Variants in FRAS1 observed in about 807,000 individuals in gnomAD.
FRAS1 encodes extracellular matrix organizing protein FRAS1.
In FRAS1, 290 loss-of-function variants were observed where a neutral mutation model predicts 435.2. That is an observed-to-expected ratio of 0.67 (90% CI 0.61 to 0.73). FRAS1 has a LOEUF of 0.73. Ranked by LOEUF, FRAS1 falls within the 30% of genes least tolerant of loss-of-function variation. The probability of loss-of-function intolerance (pLI) is 0.00; values close to 1 mark genes in which losing one functional copy is unlikely to be tolerated. For missense variants in FRAS1, 4,860 were observed against 5,001.5 expected (o/e 0.97, Z 0.85); for synonymous variants, 1,800 against 1,851.0 (o/e 0.97, Z 0.71).
intron 20 of FRAS1, among the ~76,000 whole-genome samples, chr4:78,357,221 C>T (rs1029243550): frequency 6.6e-6 from 1 of 152,124 alleles, no homozygotes; most frequent in African/African-American, 2.4e-5. Flanking sequence ...TAAGTTGGTA[C>T]CCCTGTTATG....
chr4:78,474,420 G>A (rs1719801583), intron 53 of FRAS1, among the ~76,000 whole-genome samples: 1 of 151,962 alleles, frequency 6.6e-6, no homozygotes, highest in African/African-American at 2.4e-5. Flanking sequence ...ATTGGAACTT[G>A]GGGGAAAAAA....
intron 2 of FRAS1, among the ~76,000 whole-genome samples, chr4:78,123,900 C>T (rs764872669): frequency 9.9e-5 from 15 of 152,162 alleles, no homozygotes; most frequent in African/African-American, 2.7e-4. Flanking sequence ...GTTTTTTAAA[C>T]ATACAATCAA....
intron 60 of FRAS1, 50 bp from the exon 61 acceptor site, chr4:78,499,671 C>A: frequency 2.6e-6 from 4 of 1,531,808 alleles, no homozygotes; most frequent in Non-Finnish European, 3.6e-6. Flanking sequence ...GAGTCTGAAT[C>A]CTTTGTGCTA....
rs376454076 is a variant in FRAS1, at chr4:78,277,090, C to T, written c.982-1565C>T. On this transcript the variant is annotated intron_variant, in intron 9 of 73. Transcript: ENST00000512123. The stretch of plus-strand genomic sequence containing the variant: ...TGCTGTGCTAGCAATGAGTGAGGCT[C>T]CGTGAGCATGGGACCCTCCGAGCCA... 1.9e-4 allele frequency among the ~76,000 whole-genome samples: 29 copies of T among 152,340 alleles called. No homozygotes were observed. In the East Asian group the frequency reaches 4.6e-3, roughly 24 times the overall value.
At chr4:78,330,945 C>T (rs1444452787) in intron 18 of FRAS1, among the ~76,000 whole-genome samples, 1 of 152,176 alleles carries the variant, frequency 6.6e-6, no homozygotes, top group Non-Finnish European at 1.5e-5. Flanking sequence ...CTAATAAAAA[C>T]TTGCTGGTTT....
intron 50 of FRAS1, among the ~76,000 whole-genome samples, chr4:78,467,371 G>T (rs995581305): frequency 6.6e-6 from 1 of 152,100 alleles, no homozygotes; most frequent in African/African-American, 2.4e-5. Context: ...ATGGCCTCCC[G>T]TTCTATACAT....
chr4:78,410,282 T>A (rs954211819), intron 31 of FRAS1, among the ~76,000 whole-genome samples: 1 of 151,942 alleles, frequency 6.6e-6, no homozygotes, highest in Non-Finnish European at 1.5e-5. Flanking sequence ...ATAAGGCAAA[T>A]AAAGATTTAA....
chr4:78,336,217 C>T (rs1198557155), intron 19 of FRAS1, among the ~76,000 whole-genome samples: 1 of 152,130 alleles, frequency 6.6e-6, no homozygotes, highest in Non-Finnish European at 1.5e-5. Context: ...TCTTTTTAAT[C>T]TCTGCAGTCC....
At chr4:78,204,379 A>G (rs950792886) in intron 2 of FRAS1, among the ~76,000 whole-genome samples, 1 of 151,716 alleles carries the variant, frequency 6.6e-6, no homozygotes, top group African/African-American at 2.4e-5. Flanking sequence ...ACTGTCAGGG[A>G]AAGACTTTCA....
chr4:78,292,404 A>G (rs969195204), intron 14 of FRAS1, among the ~76,000 whole-genome samples: 4 of 152,218 alleles, frequency 2.6e-5, no homozygotes, highest in Non-Finnish European at 5.9e-5. Flanking sequence ...ATAATAAAAA[A>G]ACCTATAAAA....
At chr4:78,275,066 TA>T (rs1250501572) in intron 9 of FRAS1, among the ~76,000 whole-genome samples, 1 of 152,098 alleles carries the variant, frequency 6.6e-6, no homozygotes, top group Admixed American at 6.5e-5. Context: ...TACCATTATG[TA>T]ATGGCCTTCT....
intron 48 of FRAS1, 66 bp downstream of exon 48, chr4:78,464,211 T>C: frequency 6.5e-7 from 1 of 1,541,612 alleles, no homozygotes; most frequent in South Asian, 1.2e-5. Context: ...TTGAGTGGAG[T>C]AGGCAGAGTG....
intron 2 of FRAS1, among the ~76,000 whole-genome samples, chr4:78,089,129 G>C (rs1741365344): frequency 6.6e-6 from 1 of 151,918 alleles, no homozygotes; most frequent in Non-Finnish European, 1.5e-5. Context: ...GTCCTTTGTA[G>C]GGACATGGAT....
At chr4:78,490,306 C>T (rs909668182) in intron 59 of FRAS1, among the ~76,000 whole-genome samples, 1 of 152,104 alleles carries the variant, frequency 6.6e-6, no homozygotes, top group Non-Finnish European at 1.5e-5. Flanking sequence ...CCAAGCAGAC[C>T]TAATAGACAT....
chr4:78,238,484 G>A (rs1229203060), intron 3 of FRAS1, among the ~76,000 whole-genome samples: 1 of 151,542 alleles, frequency 6.6e-6, no homozygotes, highest in East Asian at 1.9e-4. Flanking sequence ...AATTAATCTT[G>A]AGTCTTTATG....
At chr4:78,289,192 A>G (rs1454197187) in intron 14 of FRAS1, among the ~76,000 whole-genome samples, 1 of 150,858 alleles carries the variant, frequency 6.6e-6, no homozygotes, top group Non-Finnish European at 1.5e-5. Flanking sequence ...AGAGGGAGTA[A>G]AGGAAAACAC....
At chr4:78,370,224 C>T (rs1211088993) in intron 23 of FRAS1, among the ~76,000 whole-genome samples, 1 of 152,146 alleles carries the variant, frequency 6.6e-6, no homozygotes, top group African/African-American at 2.4e-5. Context: ...GATAACAAGA[C>T]CAGAGGTGGC....
chr4:78,496,672 A>G, intron 59 of FRAS1, 133 bp from the exon 60 acceptor site: 1 of 879,292 alleles, frequency 1.1e-6, no homozygotes, highest in Non-Finnish European at 1.8e-6. Context: ...TGTTTTATAA[A>G]TGAAACTGGA....
chr4:78,436,917 T>C (rs1734451628), intron 38 of FRAS1, among the ~76,000 whole-genome samples: 1 of 152,144 alleles, frequency 6.6e-6, no homozygotes, highest in South Asian at 2.1e-4. Flanking sequence ...TGTTGAATGA[T>C]GGGTTCATTG....
Sources: gnomAD v4.1 joint callset for allele counts (sites outside exome capture counted in the v4.1 genomes callset) on GRCh38, gnomAD v4.1.1 for gene constraint, MANE v1.5 for transcripts, NCBI Gene and HGNC (gene_info 2026-07-23, HGNC 2026-07-21) for gene names.